Variants in KMT2C observed in about 807,000 individuals in gnomAD.
The protein encoded by KMT2C is histone-lysine N-methyltransferase 2C.
KMT2C carries 88 observed loss-of-function variants against 507.9 expected under a neutral mutation model. That is an observed-to-expected ratio of 0.17 (90% CI 0.15 to 0.21). The LOEUF (loss-of-function observed/expected upper bound fraction) is 0.21, where lower values mean the gene tolerates loss of function less well. Ranked by LOEUF, KMT2C falls within the 10% of genes least tolerant of loss-of-function variation. The probability of loss-of-function intolerance (pLI) is 1.00; values close to 1 mark genes in which losing one functional copy is unlikely to be tolerated. For missense variants in KMT2C, 4,954 were observed against 5,957.8 expected, an observed-to-expected ratio of 0.83 and a Z score of 5.55; for synonymous variants, 2,049 against 2,080.8, an observed-to-expected ratio of 0.98 and a Z score of 0.42.
Position 152,162,465 on chromosome 7 carries a change from T to C in KMT2C, c.11112A>G (p.Val3704=). ...CAGGGGTTTCCATGGAGAGCTTGTCTACTTCTGAATTTGCATACGTCTGTT... is the reference window on the plus strand; with the variant it reads ...CAGGGGTTTCCATGGAGAGCTTGTCCACTTCTGAATTTGCATACGTCTGTT... The part of the protein sequence containing the change: ...PNQQTYANSE[V]DKLSMETPAK... Residue 3704 remains valine, a synonymous_variant, in exon 43 of 59, where the codon GTA becomes GTG. Transcript: ENST00000262189. The C allele has an allele frequency of 1.2e-6, 2 of 1,614,272 alleles. No homozygotes were observed. The highest frequency in any genetic ancestry group is 1.7e-6 in the Non-Finnish European group (2 of 1,180,052).
chr7:152,162,061 G>GT lies in KMT2C; in HGVS notation c.11460+55dup, dbSNP rs796544246. 44 of 1,482,106 alleles carry GT rather than the reference G, an allele frequency of 3.0e-5. No individual in the cohort carries two copies. The African/African-American group carries it at 4.3e-4, about 15-fold the overall frequency. The allele number at this position is 1,482,106 out of a possible 1,614,324, so 91.8% of individuals were successfully genotyped here. Reference sequence around the variant, plus strand: ...ATACAGTTGCTGGTACTAATCTGCTGTAAGTATAATTTAAAACAAAAGAAA... The same window carrying GT: ...ATACAGTTGCTGGTACTAATCTGCTGTTAAGTATAATTTAAAACAAAAGAAA... On this transcript the variant is annotated intron_variant, in intron 43 of 58. Transcript: ENST00000262189.
intron 9 of KMT2C, among the ~76,000 whole-genome samples, chr7:152,261,278 G>GT (rs757948037): frequency 2.0e-5 from 3 of 152,096 alleles, no homozygotes; most frequent in Non-Finnish European, 2.9e-5. Context: ...TTTCATACTG[G>GT]TAAAAAGCAC....
intron 3 of KMT2C, among the ~76,000 whole-genome samples, chr7:152,324,825 T>C (rs2096810990): frequency 6.6e-6 from 1 of 151,968 alleles, no homozygotes; most frequent in Non-Finnish European, 1.5e-5. Context: ...ATTACAATAT[T>C]ACAAAAATTC....
intron 1 of KMT2C, among the ~76,000 whole-genome samples, chr7:152,387,539 C>T (rs2097442107): frequency 2.0e-5 from 3 of 146,808 alleles, no homozygotes; most frequent in Admixed American, 6.9e-5. Context: ...GGTGCCATCT[C>T]GGCTCGCTGC....
In KMT2C at chr7:152,421,460, T is replaced by C. The variant is rs1281494650; in HGVS notation, c.161+14166A>G. On this transcript the variant is annotated intron_variant, in intron 1 of 58. Transcript: ENST00000262189. ...ATACACATATGTTCATCACAGGACT[T>C]TGCACAACAGCAAAGACATGGAATC... Among the ~76,000 whole-genome samples, 11 of 152,228 alleles carry C rather than the reference T, an allele frequency of 7.2e-5. No individual in the cohort carries two copies. The South Asian group carries it at 2.3e-3, about 32-fold the overall frequency.
At chr7:152,198,262 TGTGTCCAACACGGGG>T (rs751079120) in intron 27 of KMT2C, among the ~76,000 whole-genome samples, 5 of 152,238 alleles carry the variant, frequency 3.3e-5, no homozygotes, top group Non-Finnish European at 7.3e-5. Context: ...GACATGCACA[TGTGTCCAACACGGGG>T]TAAGATTGCT....
chr7:152,230,899 C>A (rs538428112), intron 16 of KMT2C, among the ~76,000 whole-genome samples: 4 of 152,074 alleles, frequency 2.6e-5, no homozygotes, highest in African/African-American at 9.7e-5. Flanking sequence ...CTCGTTGCAA[C>A]CTCTGCCTCC....
intron 1 of KMT2C, among the ~76,000 whole-genome samples, chr7:152,432,452 AAAG>A (rs2097871550): frequency 1.3e-5 from 2 of 152,246 alleles, no homozygotes; most frequent in South Asian, 4.1e-4. Flanking sequence ...TGCCTCTGAT[AAAG>A]ATGATGAACT....
At position 152,248,638 on chromosome 7, in the gene KMT2C, T is replaced by C. The variant is rs781122930; in HGVS notation, c.1814-18A>G. ...GGATGATACTACAAAATTCAGAACA[T>C]TTGTTATGGCAATGTACAAACAAAT... On this transcript the variant is annotated intron_variant, in intron 13 of 58. Coordinates refer to ENST00000262189, the MANE Select transcript of KMT2C (RefSeq NM_170606.3). The C allele has an allele frequency of 1.3e-6, 2 of 1,526,766 alleles. No individual in the cohort carries two copies. The highest frequency in any genetic ancestry group is 1.8e-5 in the Admixed American group (1 of 55,602). 94.6% of individuals were successfully genotyped at this position (1,526,766 alleles called of 1,614,324 possible). A position where few individuals can be genotyped will look rare whatever the true frequency, so the allele number is the denominator to read the frequency against.
At chr7:152,225,925 G>A (rs777073721) in intron 18 of KMT2C, among the ~76,000 whole-genome samples, 9 of 152,160 alleles carry the variant, frequency 5.9e-5, no homozygotes, top group Non-Finnish European at 8.8e-5. Context: ...ATAGTATACT[G>A]TTTAGACCTG....
In KMT2C at chr7:152,156,009, T is replaced by G; in HGVS notation, c.11861A>C (p.Gln3954Pro). The G allele has an allele frequency of 6.2e-7, 1 of 1,608,028 alleles. No homozygotes were observed. Among genetic ancestry groups the G allele is most frequent in the Non-Finnish European group, 8.5e-7 (1 of 1,178,706 alleles). Residue 3954 changes from glutamine to proline, a missense_variant, in exon 46 of 59, where the codon CAG becomes CCG. Transcript: ENST00000262189. The stretch of plus-strand genomic sequence containing the variant: ...AAGAGCTCGGGCCAACAAGTCGTCC[T>G]GGGGTCTGAAGGGCAGCTGAAATGG... ...PKPFQLPFRP[Q>P]DDLLARALAQ...
chr7:152,417,559 A>C (rs534870365), intron 1 of KMT2C, among the ~76,000 whole-genome samples: 7 of 152,358 alleles, frequency 4.6e-5, no homozygotes, highest in Middle Eastern at 3.4e-3. Flanking sequence ...CTAGAAAGTG[A>C]TAAGACCAGA....
chr7:152,353,022 G>GA (rs941719580), intron 2 of KMT2C, among the ~76,000 whole-genome samples: 16 of 151,144 alleles, frequency 1.1e-4, no homozygotes, highest in Admixed American at 4.0e-4. Flanking sequence ...TGATTCTCAA[G>GA]AAAAAAAAAG....
chr7:152,140,964 G>A (rs1227565691), intron 55 of KMT2C, among the ~76,000 whole-genome samples: 1 of 152,246 alleles, frequency 6.6e-6, no homozygotes, highest in Non-Finnish European at 1.5e-5. Flanking sequence ...AATGGGCCAG[G>A]CGTGGTGACT....
chr7:152,139,906 G>A, intron 55 of KMT2C, 115 bp from the exon 56 acceptor site: 2 of 706,624 alleles, frequency 2.8e-6, no homozygotes, highest in South Asian at 3.8e-5. Context: ...AGTTTCACTT[G>A]AACTCAAATC....
chr7:152,174,197 G>A lies in KMT2C; in HGVS notation c.9308C>T (p.Ala3103Val), dbSNP rs1295108695. ...CATCACTTTATTTATACCTTTAAGG[G>A]CCACCATTTTGGCTTTCATTATAGG... ...TDPIMKAKMVALKGINKVMAQ... is the reference protein window; with the variant it reads ...TDPIMKAKMVVLKGINKVMAQ... Residue 3103 changes from alanine to valine, a missense_variant, in exon 39 of 59, where the codon GCC becomes GTC. Physicochemically the swap from Ala to Val is moderately conservative, Grantham distance 64. Around this residue, in one of 29 missense-constraint regions of KMT2C, gnomAD observed 1,689 missense variants for 1,654.3 expected, o/e 1.02. Coordinates refer to ENST00000262189, the MANE Select transcript of KMT2C (RefSeq NM_170606.3). 1 of 1,608,504 alleles carries A rather than the reference G, an allele frequency of 6.2e-7. No homozygotes were observed. Among genetic ancestry groups the A allele is most frequent in the Non-Finnish European group, 8.5e-7 (1 of 1,176,862 alleles).
chr7:152,388,345 G>T (rs1360747586), intron 1 of KMT2C, among the ~76,000 whole-genome samples: 1 of 151,902 alleles, frequency 6.6e-6, no homozygotes, highest in Non-Finnish European at 1.5e-5. Context: ...GACCTCCTGA[G>T]GTCAGGAGTT....
chr7:152,146,795 G>A (rs2091147535), intron 52 of KMT2C, 60 bp from the exon 53 acceptor site: 74 of 1,438,298 alleles, frequency 5.1e-5, no homozygotes, highest in South Asian at 1.9e-4. Flanking sequence ...AAAAACAAGA[G>A]CAAAATGAAG....
intron 28 of KMT2C, 111 bp from the exon 29 acceptor site, chr7:152,194,679 A>G: frequency 2.8e-6 from 2 of 720,500 alleles, no homozygotes; most frequent in Non-Finnish European, 4.3e-6. Flanking sequence ...AAATAGAGAA[A>G]TAAAGTCTGT....
Sources: gnomAD v4.1 joint callset for allele counts (sites outside exome capture counted in the v4.1 genomes callset) on GRCh38, gnomAD v4.1.1 for gene constraint, gnomAD v4.1.1 regional missense constraint, MANE v1.5 for transcripts, NCBI Gene and HGNC (gene_info 2026-07-23, HGNC 2026-07-21) for gene names.